GRIP1: variants seen among roughly 807,000 people sequenced by gnomAD.
GRIP1 encodes glutamate receptor interacting protein 1, also known as glutamate receptor-interacting protein 1.
A neutral mutation model predicts 129.9 loss-of-function variants in GRIP1; 45 were observed. The observed-to-expected ratio is 0.35, with a 90% CI of 0.27 to 0.44. The LOEUF is 0.44. GRIP1 is among the 20% of genes least tolerant of loss of function. The pLI is 1.00. For missense variants in GRIP1, 1,196 were observed against 1,396.8 expected (o/e 0.86, Z 2.29); for synonymous variants, 530 against 520.8 (o/e 1.02, Z -0.24).
intron 1 of GRIP1, among the ~76,000 whole-genome samples, chr12:66,716,271 A>C (rs1288732091): frequency 3.9e-5 from 6 of 152,058 alleles, no homozygotes; most frequent in Admixed American, 3.3e-4. Flanking sequence ...TTGAGCAAGT[A>C]GAATTTTTAA....
intron 1 of GRIP1, among the ~76,000 whole-genome samples, chr12:66,979,233 A>ACAAAC (rs1379691279): frequency 2.0e-5 from 2 of 100,134 alleles, no homozygotes; most frequent in Non-Finnish European, 4.1e-5. Context: ...AAAAAAAAAA[A>ACAAAC]AAAAAAAAAA....
At chr12:66,852,546 A>G (rs1252258) in intron 1 of GRIP1, among the ~76,000 whole-genome samples, 118,435 of 144,706 alleles carry the variant, frequency 0.82, 46,948 homozygotes, top group Non-Finnish European at 0.87. Context: ...ATATGTATAT[A>G]TGTATATGTA....
intron 1 of GRIP1, among the ~76,000 whole-genome samples, chr12:66,701,528 A>G (rs2035353790): frequency 6.6e-6 from 1 of 152,228 alleles, no homozygotes; most frequent in African/African-American, 2.4e-5. Context: ...TACAAGAAAC[A>G]TACCAGAATA....
intron 14 of GRIP1, among the ~76,000 whole-genome samples, chr12:66,430,838 T>C (rs749958053): frequency 2.0e-4 from 31 of 152,140 alleles, no homozygotes; most frequent in Non-Finnish European, 4.1e-4. Context: ...GACTTCACAA[T>C]ACCAACCAGC....
chr12:66,734,736 A>C (rs906541656), intron 1 of GRIP1, among the ~76,000 whole-genome samples: 7 of 152,212 alleles, frequency 4.6e-5, no homozygotes, highest in African/African-American at 1.7e-4. Context: ...GGACAGGAAT[A>C]AACATTTGTT....
intron 1 of GRIP1, among the ~76,000 whole-genome samples, chr12:66,791,456 T>C (rs1288626804): frequency 3.9e-5 from 6 of 152,166 alleles, no homozygotes; most frequent in African/African-American, 1.2e-4. Context: ...ATCTGTAATG[T>C]AGCCAACCAC....
intron 8 of GRIP1, 93 bp downstream of exon 8, chr12:66,465,182 G>C: frequency 1.9e-6 from 2 of 1,027,548 alleles, no homozygotes; most frequent in South Asian, 2.5e-5. Context: ...CTGACCTCAG[G>C]TGATTCACCC....
At chr12:66,565,967 A>C (rs2062741610) in intron 2 of GRIP1, among the ~76,000 whole-genome samples, 1 of 152,116 alleles carries the variant, frequency 6.6e-6, no homozygotes, top group African/African-American at 2.4e-5. Context: ...TTGTACATTG[A>C]TTTTGTATCC....
At chr12:66,927,810 C>A (rs2041320344) in intron 1 of GRIP1, among the ~76,000 whole-genome samples, 1 of 152,230 alleles carries the variant, frequency 6.6e-6, no homozygotes, top group Admixed American at 6.5e-5. Context: ...AAACCCAATG[C>A]TAAGTCCAGA....
intron 11 of GRIP1, among the ~76,000 whole-genome samples, chr12:66,450,435 A>G (rs1303519494): frequency 6.6e-6 from 1 of 151,498 alleles, no homozygotes; most frequent in Non-Finnish European, 1.5e-5. Flanking sequence ...GTTTTTTTAA[A>G]CAGAGAAGAT....
At chr12:66,365,015 G>A (rs1463565014) in intron 23 of GRIP1, among the ~76,000 whole-genome samples, 1 of 152,078 alleles carries the variant, frequency 6.6e-6, no homozygotes, top group Non-Finnish European at 1.5e-5. Context: ...GACTTACAGA[G>A]GTCATGAATA....
chr12:66,612,970 C>A (rs1407912618), intron 1 of GRIP1, among the ~76,000 whole-genome samples: 1 of 152,166 alleles, frequency 6.6e-6, no homozygotes, highest in Non-Finnish European at 1.5e-5. Flanking sequence ...AACAGAGAAT[C>A]AGAACACTGC....
chr12:66,913,997 T>C (rs1171787035), intron 1 of GRIP1, among the ~76,000 whole-genome samples: 1 of 152,196 alleles, frequency 6.6e-6, no homozygotes, highest in Non-Finnish European at 1.5e-5. Context: ...AGTATACTCT[T>C]GTTAAAGTCA....
At chr12:66,612,067 A>AT (rs899091964) in intron 1 of GRIP1, among the ~76,000 whole-genome samples, 3 of 152,142 alleles carry the variant, frequency 2.0e-5, no homozygotes, top group Non-Finnish European at 2.9e-5. Flanking sequence ...ATACTAATAT[A>AT]TTTTTTTCAA....
Position 66,463,002 on chromosome 12 carries a change from C to A in GRIP1, c.964G>T (p.Ala322Ser), listed in dbSNP as rs17102531. The change falls in exon 9 of 25, where the codon GCC (alanine) becomes TCC (serine). Residue 322 changes from alanine to serine, a missense_variant. Around this residue, in one of 5 missense-constraint regions of GRIP1, gnomAD observed 508 missense variants for 587.0 expected, o/e 0.87. Coordinates refer to ENST00000359742, the MANE Select transcript of GRIP1 (RefSeq NM_001366722.1). ...AGCTTGACCTGGTCAGTGGTGTTGG[C>A]CAGGAACTGGGTTGCTTCTGCAAGT... is the stretch of plus-strand genomic sequence containing the variant. ...CTLAEATQFL[A>S]NTTDQVKLEI... 9.9e-6 allele frequency: 16 copies of A among 1,613,776 alleles called. No homozygotes were observed. In the African/African-American group the frequency reaches 2.1e-4, roughly 22 times the overall value.
At chr12:66,785,600 G>A in intron 1 of GRIP1, among the ~76,000 whole-genome samples, 1 of 151,768 alleles carries the variant, frequency 6.6e-6, no homozygotes, top group African/African-American at 2.4e-5. Flanking sequence ...TATTTAAGTA[G>A]AATATACTTA....
At chr12:66,594,613 T>C (rs1021017601) in intron 2 of GRIP1, among the ~76,000 whole-genome samples, 1 of 152,190 alleles carries the variant, frequency 6.6e-6, no homozygotes, top group African/African-American at 2.4e-5. Context: ...TTCTGGTGCT[T>C]ACAGCTCTAT....
chr12:67,022,574 T>C (rs2042883481), intron 1 of GRIP1, among the ~76,000 whole-genome samples: 1 of 152,196 alleles, frequency 6.6e-6, no homozygotes, highest in Non-Finnish European at 1.5e-5. Flanking sequence ...GAATTCTAGT[T>C]CCTTCCTGTC....
rs1449185778 is a variant in GRIP1 at position 66,375,622 on chromosome 12, CT to C, written c.2778+1394del. ...ATTTCTCTTTGGCTTATAAATTCAA[CT>C]CATTTGCTTTCTGCATTAATAATGT... On this transcript the variant is annotated intron_variant, in intron 22 of 24. Transcript: ENST00000359742. Among the ~76,000 whole-genome samples, 4 of 152,270 alleles carry C rather than the reference CT, an allele frequency of 2.6e-5. No homozygotes were observed. In the East Asian group the frequency reaches 7.7e-4, roughly 29 times the overall value.
Sources: allele counts gnomAD v4.1 joint callset (sites outside exome capture counted in the v4.1 genomes callset), GRCh38; gene constraint gnomAD v4.1.1; regional missense constraint gnomAD v4.1.1; transcripts MANE v1.5; gene names NCBI Gene and HGNC (gene_info 2026-07-23, HGNC 2026-07-21).